The following APBB1IP variants were observed in gnomAD, a reference collection of about 807,000 sequenced individuals.
The protein encoded by APBB1IP is amyloid beta A4 precursor protein-binding family B member 1-interacting protein.
A neutral mutation model predicts 64.9 loss-of-function variants in APBB1IP; 27 were observed. The observed-to-expected ratio is 0.42, with a 90% confidence interval of 0.31 to 0.57. The LOEUF (loss-of-function observed/expected upper bound fraction) is 0.57, where lower values mean the gene tolerates loss of function less well. Among genes scored for constraint, APBB1IP ranks in the 20% least tolerant of loss-of-function variants. The pLI is 0.20. For missense variants in APBB1IP, 812 were observed against 845.5 expected, an observed-to-expected ratio of 0.96 and a Z score of 0.49; for synonymous variants, 392 against 331.0, an observed-to-expected ratio of 1.18 and a Z score of -2.00.
intron 11 of APBB1IP, among the ~76,000 whole-genome samples, chr10:26,550,327 T>C (rs1836815561): frequency 6.6e-6 from 1 of 152,134 alleles, no homozygotes; most frequent in Non-Finnish European, 1.5e-5. Context: ...TATTATTATT[T>C]ATTTGAATAA....
Position 26,484,389 on chromosome 10 carries a change from G to A in APBB1IP, c.1-7938G>A, listed in dbSNP as rs546546271. Reference sequence around the variant, plus strand: ...ACGACCTCAGCTCACTGCAAGCTCCGCCTCCCGGGTTCAAGCGATTCTTGT... The same window carrying A: ...ACGACCTCAGCTCACTGCAAGCTCCACCTCCCGGGTTCAAGCGATTCTTGT... On this transcript the variant is annotated intron_variant, in intron 2 of 14. Coordinates refer to ENST00000376236, the MANE Select transcript of APBB1IP (RefSeq NM_019043.4). Among the ~76,000 whole-genome samples, 14 of 152,204 alleles carry A rather than the reference G, an allele frequency of 9.2e-5. No individual in the cohort carries two copies. In the East Asian group the frequency reaches 2.5e-3, roughly 27 times the overall value.
chr10:26,540,295 C>T (rs941855975), intron 10 of APBB1IP, among the ~76,000 whole-genome samples: 14 of 152,010 alleles, frequency 9.2e-5, no homozygotes, highest in Non-Finnish European at 1.5e-5. Flanking sequence ...AAAAAGAAGG[C>T]GAGGGGCGGT....
At chr10:26,541,909 T>C (rs1031832199) in intron 11 of APBB1IP, among the ~76,000 whole-genome samples, 1 of 152,202 alleles carries the variant, frequency 6.6e-6, no homozygotes, top group African/African-American at 2.4e-5. Flanking sequence ...TCTGGGGATT[T>C]CTTCACTTCT....
chr10:26,561,505 A>G (rs1281121247), intron 13 of APBB1IP, among the ~76,000 whole-genome samples: 2 of 148,446 alleles, frequency 1.3e-5, no homozygotes, highest in Non-Finnish European at 3.0e-5. Context: ...TATTCTGTGG[A>G]TGAGGTGTTG....
chr10:26,531,548 T>C (rs1441091062), intron 8 of APBB1IP, among the ~76,000 whole-genome samples: 2 of 151,728 alleles, frequency 1.3e-5, no homozygotes, highest in Admixed American at 6.6e-5. Context: ...GCGCCTGTAG[T>C]CCCAGCTACT....
intron 8 of APBB1IP, 147 bp downstream of exon 8, chr10:26,513,807 A>G (rs558203781): frequency 6.1e-6 from 6 of 983,236 alleles, no homozygotes; most frequent in African/African-American, 3.4e-5. Flanking sequence ...ATCTTGGCTC[A>G]CTACAACCTC....
At chr10:26,486,079 A>T (rs1181092587) in intron 2 of APBB1IP, among the ~76,000 whole-genome samples, 1 of 152,078 alleles carries the variant, frequency 6.6e-6, no homozygotes, top group African/African-American at 2.4e-5. Flanking sequence ...AAAATAAAAT[A>T]AAATAATGTA....
At chr10:26,451,257 A>T (rs2132398679) in intron 2 of APBB1IP, among the ~76,000 whole-genome samples, 1 of 152,192 alleles carries the variant, frequency 6.6e-6, no homozygotes, top group Non-Finnish European at 1.5e-5. Context: ...CCTTCGTTTT[A>T]CTTTAGTTTT....
Position 26,471,773 on chromosome 10 carries a change from C to G in APBB1IP, c.1-20554C>G, listed in dbSNP as rs370778513. 4.3e-4 allele frequency among the ~76,000 whole-genome samples: 65 copies of G among 152,218 alleles called. 1 individual carries two copies. The East Asian group carries it at 0.011, about 25-fold the overall frequency. ...AATCTCGGCTCACTGCAACCTCCGC[C>G]TCCTGGGTTCAAGCGATTCCCCAGC... On this transcript the variant is annotated intron_variant, in intron 2 of 14. Transcript: ENST00000376236.
chr10:26,442,536 A>G (rs887141294), intron 2 of APBB1IP, among the ~76,000 whole-genome samples: 30 of 152,212 alleles, frequency 2.0e-4, no homozygotes, highest in Non-Finnish European at 2.9e-5. Flanking sequence ...TGTTTCCCCA[A>G]ACCGACTGGA....
intron 2 of APBB1IP, among the ~76,000 whole-genome samples, chr10:26,464,555 C>T (rs1835627707): frequency 6.6e-6 from 1 of 152,074 alleles, no homozygotes; most frequent in African/African-American, 2.4e-5. Context: ...AACACGATAC[C>T]ATGCCCAACT....
chr10:26,480,414 A>G (rs1835821346), intron 2 of APBB1IP, among the ~76,000 whole-genome samples: 1 of 152,126 alleles, frequency 6.6e-6, no homozygotes, highest in South Asian at 2.1e-4. Flanking sequence ...GCTTCAAGGT[A>G]CATTGGCCTC....
At chr10:26,551,465 C>T (rs570153446) in intron 11 of APBB1IP, among the ~76,000 whole-genome samples, 2 of 152,328 alleles carry the variant, frequency 1.3e-5, no homozygotes, top group East Asian at 3.9e-4. Context: ...GTCTCACTCA[C>T]GGTCAGTTTC....
At chr10:26,500,432 A>G (rs984181590) in intron 4 of APBB1IP, among the ~76,000 whole-genome samples, 3 of 152,048 alleles carry the variant, frequency 2.0e-5, no homozygotes, top group African/African-American at 7.2e-5. Flanking sequence ...CCTTCCATCC[A>G]TTTCCAATGC....
In APBB1IP at chr10:26,560,727, C is replaced by G; in HGVS notation, c.1255-3C>G. On this transcript the variant is annotated splice_polypyrimidine_tract_variant and splice_region_variant and intron_variant, in intron 12 of 14. Coordinates refer to ENST00000376236, the MANE Select transcript of APBB1IP (RefSeq NM_019043.4). ...TCCTTCTTCCTTTGTGTTCTCTCCC[C>G]AGTATGGGAAGACTCTCTATGATAA... The G allele has an allele frequency of 6.3e-7, 1 of 1,577,392 alleles. No homozygotes were observed.
intron 2 of APBB1IP, among the ~76,000 whole-genome samples, chr10:26,478,397 C>T (rs528258244): frequency 5.3e-5 from 8 of 152,056 alleles, no homozygotes; most frequent in South Asian, 2.1e-4. Context: ...TAGAAGGAGG[C>T]GTTTGGGGCC....
intron 2 of APBB1IP, among the ~76,000 whole-genome samples, chr10:26,444,466 G>C (rs1460947310): frequency 6.6e-6 from 1 of 152,168 alleles, no homozygotes; most frequent in East Asian, 1.9e-4. Context: ...CAAAGCGTTG[G>C]ATTCTGCGTA....
intron 13 of APBB1IP, 64 bp downstream of exon 13, chr10:26,560,908 C>A: frequency 1.6e-6 from 2 of 1,244,930 alleles, no homozygotes; most frequent in Non-Finnish European, 1.1e-6. Context: ...CAAAATGTAT[C>A]CAATACATCT....
intron 2 of APBB1IP, among the ~76,000 whole-genome samples, chr10:26,488,665 A>G (rs1396342629): frequency 6.6e-6 from 1 of 152,224 alleles, no homozygotes; most frequent in African/African-American, 2.4e-5. Context: ...ACCTGCAGCC[A>G]TCTTCCTCTC....
Sources: allele counts gnomAD v4.1 joint callset (sites outside exome capture counted in the v4.1 genomes callset), GRCh38; gene constraint gnomAD v4.1.1; transcripts MANE v1.5; gene names NCBI Gene and HGNC (gene_info 2026-07-23, HGNC 2026-07-21).